The following SUGCT variants were observed in gnomAD, a reference collection of about 807,000 sequenced individuals.
SUGCT encodes the protein succinyl-CoA:glutarate CoA-transferase.
Under a neutral mutation model 55.0 loss-of-function variants are expected in SUGCT, and 41 were observed. The observed-to-expected ratio is 0.74, with a 90% CI of 0.58 to 0.97. SUGCT has a LOEUF of 0.97. SUGCT is among the 50% of genes least tolerant of loss of function. The pLI is 0.00. For synonymous variants in SUGCT, 187 were observed against 200.4 expected, an observed-to-expected ratio of 0.93 and a Z score of 0.56; for missense variants, 568 against 547.8, an observed-to-expected ratio of 1.04 and a Z score of -0.37.
At chr7:40,839,977 AAG>A (rs1375920729) in intron 13 of SUGCT, among the ~76,000 whole-genome samples, 1 of 152,186 alleles carries the variant, frequency 6.6e-6, no homozygotes, top group African/African-American at 2.4e-5. Context: ...TCAAAAAAAA[AAG>A]AGGTTTTCTC....
At chr7:40,142,733 G>A (rs1395345714) in intron 1 of SUGCT, among the ~76,000 whole-genome samples, 1 of 152,188 alleles carries the variant, frequency 6.6e-6, no homozygotes, top group Admixed American at 6.5e-5. Context: ...GGACAGTGTT[G>A]TTTGGGATGA....
chr7:40,669,976 C>A, intron 12 of SUGCT, among the ~76,000 whole-genome samples: 1 of 151,434 alleles, frequency 6.6e-6, no homozygotes. Flanking sequence ...TAAAGAAATT[C>A]ATGCCAAAAT....
intron 11 of SUGCT, among the ~76,000 whole-genome samples, chr7:40,485,641 T>C (rs1791296224): frequency 6.6e-6 from 1 of 151,870 alleles, no homozygotes; most frequent in South Asian, 2.1e-4. Context: ...AGCCTCAAAC[T>C]CCTAAGCTCA....
intron 12 of SUGCT, among the ~76,000 whole-genome samples, chr7:40,678,269 C>G (rs1784094445): frequency 6.6e-6 from 1 of 152,174 alleles, no homozygotes; most frequent in Admixed American, 6.5e-5. Flanking sequence ...ATCTAAGGTG[C>G]TGCTCCTATT....
chr7:40,500,126 A>G (rs1449649417), intron 12 of SUGCT, among the ~76,000 whole-genome samples: 1 of 152,198 alleles, frequency 6.6e-6, no homozygotes, highest in Non-Finnish European at 1.5e-5. Flanking sequence ...TGATTCCAGC[A>G]TATCACCATC....
At chr7:40,545,449 T>C (rs914796197) in intron 12 of SUGCT, among the ~76,000 whole-genome samples, 4 of 152,202 alleles carry the variant, frequency 2.6e-5, no homozygotes, top group Admixed American at 2.6e-4. Context: ...CCTTTGTCTA[T>C]TGCATTTTTC....
the SUGCT span, among the ~76,000 whole-genome samples, chr7:40,971,218 G>A: frequency 6.6e-6 from 1 of 152,160 alleles, no homozygotes; most frequent in Non-Finnish European, 1.5e-5. Context: ...GATGCGGGAG[G>A]TGCCACACAC....
At chr7:40,940,453 C>A in the SUGCT span, among the ~76,000 whole-genome samples, 1 of 151,998 alleles carries the variant, frequency 6.6e-6, no homozygotes. Flanking sequence ...TGTATGGAAT[C>A]TGTAAATTGC....
At chr7:40,372,530 C>T (rs1268509333) in intron 9 of SUGCT, among the ~76,000 whole-genome samples, 3 of 151,924 alleles carry the variant, frequency 2.0e-5, no homozygotes, top group African/African-American at 7.2e-5. Flanking sequence ...AGAGAAATAT[C>T]TTCTGTAGTT....
chr7:40,932,709 G>T, the SUGCT span, among the ~76,000 whole-genome samples: 2 of 150,514 alleles, frequency 1.3e-5, no homozygotes, highest in African/African-American at 2.4e-5. Context: ...GATCTTTGTT[G>T]GTTTCAAGTC....
intron 12 of SUGCT, among the ~76,000 whole-genome samples, chr7:40,516,508 C>CT (rs1053198619): frequency 9.2e-5 from 14 of 151,918 alleles, no homozygotes; most frequent in South Asian, 4.2e-4. Context: ...CATTTTGAGT[C>CT]TTTTTTTTGT....
intron 8 of SUGCT, among the ~76,000 whole-genome samples, chr7:40,297,767 C>T (rs1794256769): frequency 6.6e-6 from 1 of 152,080 alleles, no homozygotes; most frequent in East Asian, 1.9e-4. Context: ...GCTCTTGACT[C>T]TAAACTACAT....
intron 9 of SUGCT, among the ~76,000 whole-genome samples, chr7:40,320,471 G>A (rs1277196353): frequency 6.6e-6 from 1 of 152,190 alleles, no homozygotes; most frequent in African/African-American, 2.4e-5. Flanking sequence ...TTAGAGATGG[G>A]AGAGGAGGGT....
chr7:40,948,957 T>G, the SUGCT span, among the ~76,000 whole-genome samples: 2 of 152,266 alleles, frequency 1.3e-5, no homozygotes, highest in Non-Finnish European at 2.9e-5. Flanking sequence ...TATAATCCTT[T>G]GGGTATATAC....
At chr7:40,827,638 G>A (rs1182346791) in intron 13 of SUGCT, among the ~76,000 whole-genome samples, 1 of 152,120 alleles carries the variant, frequency 6.6e-6, no homozygotes, top group Admixed American at 6.5e-5. Flanking sequence ...CCTCCGGGGC[G>A]TGTCCAGGCC....
intron 9 of SUGCT, among the ~76,000 whole-genome samples, chr7:40,346,241 A>C (rs534720543): frequency 2.6e-5 from 4 of 152,192 alleles, no homozygotes; most frequent in African/African-American, 9.6e-5. Flanking sequence ...CAGGCTTTCC[A>C]TTTCTAAGTC....
intron 12 of SUGCT, among the ~76,000 whole-genome samples, chr7:40,594,321 A>G (rs560126295): frequency 6.0e-4 from 89 of 147,294 alleles, no homozygotes; most frequent in African/African-American, 2.2e-3. Flanking sequence ...AACTTAAAGT[A>G]TAAAAAAAAA....
At chr7:40,263,312 G>C (rs1791352431) in intron 7 of SUGCT, among the ~76,000 whole-genome samples, 1 of 152,190 alleles carries the variant, frequency 6.6e-6, no homozygotes, top group African/African-American at 2.4e-5. Flanking sequence ...ATGTGTTAAA[G>C]CATTTTGAAA....
intron 12 of SUGCT, among the ~76,000 whole-genome samples, chr7:40,668,556 AC>A (rs1177241607): frequency 6.6e-6 from 1 of 152,200 alleles, no homozygotes; most frequent in Non-Finnish European, 1.5e-5. Flanking sequence ...CTAAGTAAAA[AC>A]GAAAACTCTA....
Sources: gnomAD v4.1 joint callset for allele counts (sites outside exome capture counted in the v4.1 genomes callset) on GRCh38, gnomAD v4.1.1 for gene constraint, MANE v1.5 for transcripts, NCBI Gene and HGNC (gene_info 2026-07-23, HGNC 2026-07-21) for gene names.